RPP14: variants seen among roughly 807,000 people sequenced by gnomAD.
The protein encoded by RPP14 is ribonuclease P protein subunit p14.
Under a neutral mutation model 17.8 loss-of-function variants are expected in RPP14, and 19 were observed. The ratio of observed to expected loss-of-function variants is 1.07; its 90% CI spans 0.74 to 1.57. RPP14 has a LOEUF of 1.57. RPP14 is among the 40% of genes most tolerant of loss of function. The probability of loss-of-function intolerance (pLI) is 0.00; values close to 1 mark genes in which losing one functional copy is unlikely to be tolerated. For synonymous variants in RPP14, 60 were observed against 56.4 expected (o/e 1.06, Z -0.29); for missense variants, 125 against 140.8 (o/e 0.89, Z 0.57).
At position 58,317,542 on chromosome 3, in the gene RPP14, A is replaced by C. The variant is rs747904190; in HGVS notation, c.*46A>C. On this transcript the variant is annotated 3_prime_UTR_variant, in exon 6 of 6. Coordinates refer to ENST00000295959, the MANE Select transcript of RPP14 (RefSeq NM_007042.6). The stretch of plus-strand genomic sequence containing the variant: ...GAAACGTTCATCCACTCTCATATTT[A>C]TTTTTTGGTGCCTGCATGTTTGAAG... 1 of 1,304,750 alleles carries C rather than the reference A, an allele frequency of 7.7e-7. No individual in the cohort carries two copies. Among genetic ancestry groups the C allele is most frequent in the South Asian group, 1.2e-5 (1 of 83,168 alleles). 80.8% of individuals were successfully genotyped at this position (1,304,750 alleles called of 1,614,324 possible).
At chr3:58,316,692 C>T (rs2097488616) in intron 4 of RPP14, 101 bp downstream of exon 4, 1 of 1,098,234 alleles carries the variant, frequency 9.1e-7, no homozygotes, top group African/African-American at 1.6e-5. Flanking sequence ...TTGTTGTGAA[C>T]TCTGAGCAGC....
intron 3 of RPP14, among the ~76,000 whole-genome samples, chr3:58,314,675 A>ATTTTTTTTTTTTTTT (rs751757663): frequency 7.7e-5 from 7 of 90,560 alleles, no homozygotes; most frequent in East Asian, 3.9e-4. Context: ...GTTTGGCAGT[A>ATTTTTTTTTTTTTTT]TTTTTTTTTT....
chr3:58,312,219 C>T (rs1288621600), intron 3 of RPP14, among the ~76,000 whole-genome samples: 1 of 152,092 alleles, frequency 6.6e-6, no homozygotes, highest in Admixed American at 6.5e-5. Flanking sequence ...ACATTCCTCC[C>T]AGTAGTGTGT....
chr3:58,318,237 G>T lies in RPP14; in HGVS notation c.*741G>T. The T allele has an allele frequency of 3.4e-6, 2 of 581,452 alleles. No individual in the cohort carries two copies. The highest frequency in any genetic ancestry group is 3.0e-6 in the Non-Finnish European group (1 of 331,388). 36.0% of individuals were successfully genotyped at this position (581,452 alleles called of 1,614,324 possible). On this transcript the variant is annotated 3_prime_UTR_variant, in exon 6 of 6. Coordinates refer to ENST00000295959, the MANE Select transcript of RPP14 (RefSeq NM_007042.6). ...AGGCCCAGAAGCCCATCTTAGTTAGGGGAAGGGAGCAGGAAGAGGGTTGTT... is the reference window on the plus strand; with the variant it reads ...AGGCCCAGAAGCCCATCTTAGTTAGTGGAAGGGAGCAGGAAGAGGGTTGTT...
At chr3:58,310,480 GACT>G in intron 2 of RPP14, 24 bp from the exon 3 acceptor site, 3 of 1,515,610 alleles carry the variant, frequency 2.0e-6, no homozygotes, top group Middle Eastern at 1.7e-4. Flanking sequence ...AATTTAATAT[GACT>G]TTTTTTTTTT....
chr3:58,310,228 C>T, intron 1 of RPP14, 81 bp from the exon 2 acceptor site: 1 of 1,135,278 alleles, frequency 8.8e-7, no homozygotes, highest in Non-Finnish European at 1.3e-6. Flanking sequence ...ACAAAAAAAA[C>T]CCAAATAGGC....
chr3:58,308,916 A>G (rs1265974831), intron 1 of RPP14, among the ~76,000 whole-genome samples: 1 of 152,252 alleles, frequency 6.6e-6, no homozygotes, highest in African/African-American at 2.4e-5. Flanking sequence ...GAGGGAGAGC[A>G]AGGTTGGCAT....
chr3:58,310,275 A>G lies in RPP14; in HGVS notation c.-21-34A>G, dbSNP rs372460517. ...CAAAACTCTGAAAAATAGCATGTGC[A>G]TTGGTCATTTCTAGCCCTCTTGACT... is the stretch of plus-strand genomic sequence containing the variant. On this transcript the variant is annotated intron_variant, in intron 1 of 5. Transcript: ENST00000295959. The G allele has an allele frequency of 4.7e-6, 7 of 1,499,720 alleles. No homozygotes were observed. In the Middle Eastern group the frequency reaches 5.2e-4, roughly 111 times the overall value. The allele number at this position is 1,499,720 out of a possible 1,614,324, so 92.9% of individuals were successfully genotyped here.
At chr3:58,314,632 G>C (rs915521980) in intron 3 of RPP14, among the ~76,000 whole-genome samples, 1 of 147,252 alleles carries the variant, frequency 6.8e-6, no homozygotes, top group East Asian at 2.1e-4. Flanking sequence ...ACTACAGTGA[G>C]TATGTAAAAT....
chr3:58,318,228 C>G lies in RPP14; in HGVS notation c.*732C>G. The G allele has an allele frequency of 3.4e-6, 2 of 584,588 alleles. No individual in the cohort carries two copies. Among genetic ancestry groups the G allele is most frequent in the South Asian group, 4.5e-5 (2 of 44,896 alleles). The allele number at this position is 584,588 out of a possible 1,614,324, so 36.2% of individuals were successfully genotyped here. ...ATGGTTGATAGGCCCAGAAGCCCAT[C>G]TTAGTTAGGGGAAGGGAGCAGGAAG... is the stretch of plus-strand genomic sequence containing the variant. On this transcript the variant is annotated 3_prime_UTR_variant, in exon 6 of 6. Coordinates refer to ENST00000295959, the MANE Select transcript of RPP14 (RefSeq NM_007042.6).
At chr3:58,306,479 C>CG (rs1559791016) in intron 1 of RPP14, 62 bp downstream of exon 1, 2 of 152,332 alleles carry the variant, frequency 1.3e-5, no homozygotes, top group Non-Finnish European at 2.9e-5. Flanking sequence ...GGCCGCGACC[C>CG]GGGCGCATGC....
chr3:58,314,060 A>G (rs1211442491), intron 3 of RPP14, among the ~76,000 whole-genome samples: 1 of 152,154 alleles, frequency 6.6e-6, no homozygotes, highest in Non-Finnish European at 1.5e-5. Flanking sequence ...TGTCTCAAAA[A>G]TAATAACACA....
chr3:58,310,425 G>C lies in RPP14; in HGVS notation c.77+19G>C, dbSNP rs375349060. 3.7e-6 allele frequency: 6 copies of C among 1,612,062 alleles called. No individual in the cohort carries two copies. Among genetic ancestry groups the C allele is most frequent in the Non-Finnish European group, 5.1e-6 (6 of 1,178,538 alleles). On this transcript the variant is annotated intron_variant, in intron 2 of 5. Coordinates refer to ENST00000295959, the MANE Select transcript of RPP14 (RefSeq NM_007042.6). Reference sequence around the variant, plus strand: ...TCTGCCTGTAAGTTTAGTTTCCTAAGTTCTATTTTAGATTACTTTTCTAAC... The same window carrying C: ...TCTGCCTGTAAGTTTAGTTTCCTAACTTCTATTTTAGATTACTTTTCTAAC...
intron 1 of RPP14, among the ~76,000 whole-genome samples, chr3:58,308,950 A>G (rs952489546): frequency 5.3e-5 from 8 of 152,256 alleles, no homozygotes; most frequent in African/African-American, 1.9e-4. Context: ...GGAACTGTCT[A>G]CAGAGAGATG....
At chr3:58,310,456 T>G (rs761685135) in intron 2 of RPP14, 50 bp downstream of exon 2, 16 of 1,603,152 alleles carry the variant, frequency 1.0e-5, no homozygotes, top group Non-Finnish European at 1.3e-5. Context: ...CTAACATGAA[T>G]CTGAATAGAA....
rs911023800 is a variant in RPP14, at chr3:58,319,460, T to A, written c.*1964T>A. ...TTCCCCTGCAACTGAGGTGAGAGGT[T>A]TTCCTGAGTTTGAAGCTGACTGGCC... On this transcript the variant is annotated 3_prime_UTR_variant, in exon 6 of 6. Coordinates refer to ENST00000295959, the MANE Select transcript of RPP14 (RefSeq NM_007042.6). The A allele has an allele frequency of 6.6e-6, 1 of 152,150 alleles. No homozygotes were observed. The highest frequency in any genetic ancestry group is 1.5e-5 in the Non-Finnish European group (1 of 68,034). The allele number at this position is 152,150 out of a possible 1,614,324, so 9.4% of individuals were successfully genotyped here.
Position 58,319,224 on chromosome 3 carries a change from T to C in RPP14, c.*1728T>C, listed in dbSNP as rs1391388534. The C allele has an allele frequency of 6.6e-6, 1 of 152,210 alleles. No homozygotes were observed. The highest frequency in any genetic ancestry group is 1.5e-5 in the Non-Finnish European group (1 of 68,030). The allele number at this position is 152,210 out of a possible 1,614,324, so 9.4% of individuals were successfully genotyped here. The stretch of plus-strand genomic sequence containing the variant: ...TGAGTCAGAGTTTATTGTAATTTGT[T>C]ATTTACACCAAGGTGGCATCTTAGT... On this transcript the variant is annotated 3_prime_UTR_variant, in exon 6 of 6. Coordinates refer to ENST00000295959, the MANE Select transcript of RPP14 (RefSeq NM_007042.6).
intron 3 of RPP14, among the ~76,000 whole-genome samples, chr3:58,313,272 C>T (rs1388084663): frequency 1.3e-5 from 2 of 152,026 alleles, no homozygotes; most frequent in African/African-American, 4.8e-5. Context: ...AAAAAGGCTC[C>T]TCATGAAAAA....
At chr3:58,312,897 G>A (rs2097483833) in intron 3 of RPP14, among the ~76,000 whole-genome samples, 1 of 147,162 alleles carries the variant, frequency 6.8e-6, no homozygotes, top group Admixed American at 6.9e-5. Context: ...GGAGGCAGAG[G>A]TTGCAGTGAG....
Sources: gnomAD v4.1 joint callset for allele counts (sites outside exome capture counted in the v4.1 genomes callset) on GRCh38, gnomAD v4.1.1 for gene constraint, MANE v1.5 for transcripts, NCBI Gene and HGNC (gene_info 2026-07-23, HGNC 2026-07-21) for gene names.